KIAA1328: variants seen among roughly 807,000 people sequenced by gnomAD.
KIAA1328 encodes KIAA1328.
In KIAA1328, 52 loss-of-function variants were observed where a neutral mutation model predicts 68.1. The observed-to-expected ratio is 0.76, with a 90% confidence interval of 0.61 to 0.96. The LOEUF (loss-of-function observed/expected upper bound fraction) is 0.96. Ranked by LOEUF, KIAA1328 falls within the 40% of genes least tolerant of loss-of-function variation. The pLI is 0.00. For missense variants in KIAA1328, 641 were observed against 677.6 expected, an observed-to-expected ratio of 0.95 and a Z score of 0.60; for synonymous variants, 232 against 239.4, an observed-to-expected ratio of 0.97 and a Z score of 0.28.
intron 8 of KIAA1328, among the ~76,000 whole-genome samples, chr18:37,165,466 C>A (rs1325866721): frequency 1.3e-5 from 2 of 151,776 alleles, no homozygotes; most frequent in Non-Finnish European, 2.9e-5. Context: ...GTTGCCCAGA[C>A]TGGAGTGCAA....
At chr18:36,829,239 G>C in intron 1 of KIAA1328, 43 bp downstream of exon 1, 1 of 1,479,334 alleles carries the variant, frequency 6.8e-7, no homozygotes, top group Non-Finnish European at 8.9e-7. Context: ...CGCCCTCCAC[G>C]GGACGGCGAG....
intron 5 of KIAA1328, among the ~76,000 whole-genome samples, chr18:36,887,884 A>T (rs943832877): frequency 3.3e-5 from 5 of 152,216 alleles, no homozygotes; most frequent in Non-Finnish European, 7.3e-5. Flanking sequence ...AGTTGGGGAA[A>T]GGTGAGAGAG....
At chr18:36,944,637 A>G (rs573880437) in intron 5 of KIAA1328, among the ~76,000 whole-genome samples, 6 of 152,288 alleles carry the variant, frequency 3.9e-5, no homozygotes, top group African/African-American at 1.2e-4. Context: ...CTTGGACATT[A>G]TCTTAGGGAG....
At chr18:36,929,490 T>G (rs1013089346) in intron 5 of KIAA1328, among the ~76,000 whole-genome samples, 1 of 152,036 alleles carries the variant, frequency 6.6e-6, no homozygotes, top group African/African-American at 2.4e-5. Flanking sequence ...TCTGCCACCT[T>G]GTACTTAGCA....
chr18:36,996,119 A>G (rs924178470), intron 6 of KIAA1328, among the ~76,000 whole-genome samples: 1 of 152,204 alleles, frequency 6.6e-6, no homozygotes, highest in Admixed American at 6.5e-5. Flanking sequence ...TTACACAGGT[A>G]TTATTAGGCA....
chr18:37,209,816 G>C (rs1195250627), intron 9 of KIAA1328, among the ~76,000 whole-genome samples: 2 of 152,122 alleles, frequency 1.3e-5, no homozygotes, highest in Non-Finnish European at 2.9e-5. Flanking sequence ...TCCAAGTAAA[G>C]ATATCAGGTA....
intron 6 of KIAA1328, among the ~76,000 whole-genome samples, chr18:36,993,788 G>T (rs1190989460): frequency 6.6e-6 from 1 of 152,010 alleles, no homozygotes; most frequent in African/African-American, 2.4e-5. Context: ...TTAAAGTTTT[G>T]GGGGTAACAC....
intron 9 of KIAA1328, among the ~76,000 whole-genome samples, chr18:37,176,900 C>T: frequency 6.6e-6 from 1 of 152,088 alleles, no homozygotes; most frequent in East Asian, 1.9e-4. Flanking sequence ...TAGGTGTGTC[C>T]ATTGTCAACA....
chr18:37,204,370 T>G (rs2154219682), intron 9 of KIAA1328, among the ~76,000 whole-genome samples: 1 of 152,366 alleles, frequency 6.6e-6, no homozygotes, highest in Non-Finnish European at 1.5e-5. Context: ...TTGAAAAGTA[T>G]TTGGGCTTAT....
At chr18:36,886,359 A>C (rs571804811) in intron 5 of KIAA1328, 1 of 152,334 alleles carries the variant, frequency 6.6e-6, no homozygotes, top group African/African-American at 2.4e-5. Context: ...AGTCCTAGGA[A>C]TTCTGCTCTG....
chr18:37,127,319 C>G (rs964224282), intron 7 of KIAA1328, among the ~76,000 whole-genome samples: 1 of 152,122 alleles, frequency 6.6e-6, no homozygotes, highest in Admixed American at 6.5e-5. Context: ...CACACACGTT[C>G]ATAATACCAT....
intron 5 of KIAA1328, among the ~76,000 whole-genome samples, chr18:36,956,690 C>T (rs773591578): frequency 1.3e-5 from 2 of 152,174 alleles, no homozygotes; most frequent in African/African-American, 4.8e-5. Flanking sequence ...ACATTTTACT[C>T]CTAAGCTATA....
chr18:37,200,502 C>T (rs1230605442), intron 9 of KIAA1328, among the ~76,000 whole-genome samples: 1 of 152,134 alleles, frequency 6.6e-6, no homozygotes, highest in Non-Finnish European at 1.5e-5. Flanking sequence ...CAGTGCCTCT[C>T]TGGGCCCGAT....
At position 37,183,273 on chromosome 18, in the gene KIAA1328, A is replaced by T. The variant is rs182382433; in HGVS notation, c.1523+10192A>T. Among the ~76,000 whole-genome samples, 25 of 152,268 alleles carry T rather than the reference A, an allele frequency of 1.6e-4. No individual in the cohort carries two copies. The East Asian group carries it at 4.5e-3, about 27-fold the overall frequency. On this transcript the variant is annotated intron_variant, in intron 9 of 9. Transcript: ENST00000280020. ...AGCCATTTCATAAGATTCTGAAAGG[A>T]TTTAATTCCCTTCAGAGCAGTGGTT...
At chr18:36,979,756 A>G (rs1047866532) in intron 6 of KIAA1328, among the ~76,000 whole-genome samples, 1 of 152,098 alleles carries the variant, frequency 6.6e-6, no homozygotes, top group Non-Finnish European at 1.5e-5. Flanking sequence ...GCAAAGGAAG[A>G]CTCAACCCAC....
intron 9 of KIAA1328, among the ~76,000 whole-genome samples, chr18:37,217,876 C>G (rs952067343): frequency 6.6e-6 from 1 of 152,172 alleles, no homozygotes; most frequent in Non-Finnish European, 1.5e-5. Context: ...TCTTTTTACT[C>G]TTTTTTCTCT....
At chr18:37,108,641 G>A (rs187285447) in intron 7 of KIAA1328, among the ~76,000 whole-genome samples, 9 of 152,220 alleles carry the variant, frequency 5.9e-5, no homozygotes, top group African/African-American at 2.2e-4. Flanking sequence ...CACATCACCA[G>A]TCTGGTACCT....
chr18:37,165,339 C>T (rs2059364641), intron 8 of KIAA1328, among the ~76,000 whole-genome samples: 1 of 152,040 alleles, frequency 6.6e-6, no homozygotes, highest in Non-Finnish European at 1.5e-5. Flanking sequence ...TGTTCCCAAC[C>T]TTATAAGGAA....
chr18:37,009,166 G>C (rs372187821), intron 6 of KIAA1328, among the ~76,000 whole-genome samples: 1 of 151,812 alleles, frequency 6.6e-6, no homozygotes, highest in Non-Finnish European at 1.5e-5. Flanking sequence ...TGAAAATAAG[G>C]TACTGAAACA....
Sources: allele counts gnomAD v4.1 joint callset (sites outside exome capture counted in the v4.1 genomes callset), GRCh38; gene constraint gnomAD v4.1.1; transcripts MANE v1.5; gene names NCBI Gene and HGNC (gene_info 2026-07-23, HGNC 2026-07-21).